The following KCNIP1 variants were observed in gnomAD, a reference collection of about 807,000 sequenced individuals.
The protein encoded by KCNIP1 is potassium voltage-gated channel interacting protein 1, also known as A-type potassium channel modulatory protein KCNIP1.
KCNIP1 carries 18 observed loss-of-function variants against 33.0 expected under a neutral mutation model. The observed-to-expected ratio is 0.55, with a 90% CI of 0.38 to 0.81. The LOEUF (loss-of-function observed/expected upper bound fraction) is 0.81. KCNIP1 is among the 30% of genes least tolerant of loss of function. The pLI is 0.00. For synonymous variants in KCNIP1, 93 were observed against 98.3 expected (o/e 0.95, Z 0.32); for missense variants, 238 against 271.6 (o/e 0.88, Z 0.87).
chr5:170,440,370 G>A (rs1325376371), intron 1 of KCNIP1, among the ~76,000 whole-genome samples: 1 of 152,242 alleles, frequency 6.6e-6, no homozygotes, highest in Non-Finnish European at 1.5e-5. Flanking sequence ...CAAATACACA[G>A]CGGGGGTCCC....
chr5:170,460,984 A>G (rs920466704), intron 1 of KCNIP1, among the ~76,000 whole-genome samples: 3 of 152,218 alleles, frequency 2.0e-5, no homozygotes, highest in Non-Finnish European at 4.4e-5. Context: ...AATGTACACA[A>G]ATCAGTAGCT....
At chr5:170,617,874 G>A (rs1245016096) in intron 1 of KCNIP1, among the ~76,000 whole-genome samples, 1 of 152,224 alleles carries the variant, frequency 6.6e-6, no homozygotes, top group Admixed American at 6.5e-5. Flanking sequence ...TGCATCTATT[G>A]CACACTTACT....
chr5:170,734,522 T>C (rs1764315942), intron 7 of KCNIP1, among the ~76,000 whole-genome samples: 1 of 152,198 alleles, frequency 6.6e-6, no homozygotes, highest in East Asian at 1.9e-4. Context: ...GTCACACTGG[T>C]GATGCTGATC....
At chr5:170,523,867 C>A (rs949907385) in intron 1 of KCNIP1, among the ~76,000 whole-genome samples, 1 of 152,186 alleles carries the variant, frequency 6.6e-6, no homozygotes, top group Non-Finnish European at 1.5e-5. Flanking sequence ...ACATACCTAA[C>A]CTCCCAGACC....
chr5:170,574,921 TTTG>T (rs1281175583), intron 1 of KCNIP1, among the ~76,000 whole-genome samples: 1 of 152,078 alleles, frequency 6.6e-6, no homozygotes, highest in Non-Finnish European at 1.5e-5. Flanking sequence ...TCTGCCAGGG[TTTG>T]TTGTTTGTTT....
chr5:170,522,174 G>C (rs1755388301), intron 1 of KCNIP1, among the ~76,000 whole-genome samples: 1 of 152,326 alleles, frequency 6.6e-6, no homozygotes, highest in Admixed American at 6.5e-5. Flanking sequence ...GGCAGCTCAA[G>C]GACCAGAGGT....
At position 170,597,921 on chromosome 5, in the gene KCNIP1, C is replaced by T. The variant is rs571772755; in HGVS notation, c.61+93288C>T. Among the ~76,000 whole-genome samples, 20 of 151,740 alleles carry T rather than the reference C, an allele frequency of 1.3e-4. No homozygotes were observed. In the East Asian group the frequency reaches 1.6e-3, roughly 12 times the overall value. On this transcript the variant is annotated intron_variant, in intron 1 of 7. Transcript: ENST00000328939. Reference sequence around the variant, plus strand: ...CAAGACAAAATAAATGCACCGAATCCGATTTCAAAAGCTGTTTGAAAACTC... The same window carrying T: ...CAAGACAAAATAAATGCACCGAATCTGATTTCAAAAGCTGTTTGAAAACTC...
rs1166374378 is a variant in KCNIP1, at chr5:170,504,503, G to C, written c.-70G>C. On this transcript the variant is annotated 5_prime_UTR_variant, in exon 1 of 8. Coordinates refer to ENST00000328939, the MANE Select transcript of KCNIP1 (RefSeq NM_014592.4). This position sits in a 1 kb window ranked among gnomAD's most constrained non-coding sequence, Gnocchi z 6.0. ...CTCCAATTCAGAGTAGACAAACCACGGGGATTTCTTTCCAGGGTAGGGGAG... is the reference window on the plus strand; with the variant it reads ...CTCCAATTCAGAGTAGACAAACCACCGGGATTTCTTTCCAGGGTAGGGGAG... 1 of 1,604,660 alleles carries C rather than the reference G, an allele frequency of 6.2e-7. No homozygotes were observed. The highest frequency in any genetic ancestry group is 8.5e-7 in the Non-Finnish European group (1 of 1,179,090).
At chr5:170,471,538 C>G (rs1251080031) in intron 1 of KCNIP1, among the ~76,000 whole-genome samples, 1 of 152,166 alleles carries the variant, frequency 6.6e-6, no homozygotes, top group Non-Finnish European at 1.5e-5. Flanking sequence ...GGAGAGCTGC[C>G]ACAGTTACTA....
intron 1 of KCNIP1, chr5:170,681,419 T>C: frequency 3.1e-6 from 1 of 325,122 alleles, no homozygotes; most frequent in Non-Finnish European, 5.6e-6. Context: ...TAGGGTCTCC[T>C]GCTCCGGCCC....
chr5:170,576,596 C>G (rs1168845685), intron 1 of KCNIP1, among the ~76,000 whole-genome samples: 1 of 152,218 alleles, frequency 6.6e-6, no homozygotes, highest in Non-Finnish European at 1.5e-5. Flanking sequence ...CCCCCATACC[C>G]CATGATTTAT....
At chr5:170,550,664 C>G (rs1216382189) in intron 1 of KCNIP1, among the ~76,000 whole-genome samples, 1 of 146,794 alleles carries the variant, frequency 6.8e-6, no homozygotes, top group African/African-American at 2.6e-5. Context: ...GTGATGATGA[C>G]AATGACAATA....
At chr5:170,599,247 T>C (rs1367084449) in intron 1 of KCNIP1, among the ~76,000 whole-genome samples, 2 of 152,082 alleles carry the variant, frequency 1.3e-5, no homozygotes, top group Non-Finnish European at 2.9e-5. Flanking sequence ...ACAGTAGCGC[T>C]CAATAAGTGC....
intron 1 of KCNIP1, among the ~76,000 whole-genome samples, chr5:170,633,745 C>T (rs868710019): frequency 3.2e-5 from 1 of 31,042 alleles, no homozygotes; most frequent in Admixed American, 3.8e-4. Flanking sequence ...GAGGGGGGGG[C>T]GGGGGGCGGG....
At chr5:170,407,744 A>C (rs1755073568) in intron 1 of KCNIP1, among the ~76,000 whole-genome samples, 8 of 152,224 alleles carry the variant, frequency 5.3e-5, no homozygotes. Flanking sequence ...AAACTTGGAC[A>C]TTATTGACAG....
intron 1 of KCNIP1, among the ~76,000 whole-genome samples, chr5:170,515,650 C>G (rs1755093725): frequency 6.6e-6 from 1 of 152,210 alleles, no homozygotes; most frequent in African/African-American, 2.4e-5. Flanking sequence ...ACACTGAAGA[C>G]TAGAGGGCAT....
At chr5:170,488,415 A>G (rs1365118422) in intron 1 of KCNIP1, among the ~76,000 whole-genome samples, 1 of 152,200 alleles carries the variant, frequency 6.6e-6, no homozygotes, top group Non-Finnish European at 1.5e-5. Flanking sequence ...AGTCACATGT[A>G]GGAAAAGTGT....
chr5:170,607,423 A>G (rs945275286), intron 1 of KCNIP1, among the ~76,000 whole-genome samples: 1 of 152,302 alleles, frequency 6.6e-6, no homozygotes, highest in Admixed American at 6.5e-5. Flanking sequence ...TGACCACCGT[A>G]TGCTCCAAAC....
chr5:170,553,154 T>G (rs1756718190), intron 1 of KCNIP1, among the ~76,000 whole-genome samples: 1 of 152,222 alleles, frequency 6.6e-6, no homozygotes, highest in Non-Finnish European at 1.5e-5. Context: ...ACCACAGGCA[T>G]TTTCTGGATA....
Sources: gnomAD v4.1 joint callset for allele counts (sites outside exome capture counted in the v4.1 genomes callset) on GRCh38, gnomAD v4.1.1 for gene constraint, Gnocchi (gnomAD v3.1) non-coding constraint, MANE v1.5 for transcripts, NCBI Gene and HGNC (gene_info 2026-07-23, HGNC 2026-07-21) for gene names.